The following LRRK2 variants were observed in gnomAD, a reference collection of about 807,000 sequenced individuals.
The protein encoded by LRRK2 is leucine rich repeat kinase 2.
LRRK2 carries 203 observed loss-of-function variants against 302.6 expected under a neutral mutation model. The ratio of observed to expected loss-of-function variants is 0.67; its 90% confidence interval spans 0.60 to 0.75. LRRK2 has a LOEUF of 0.75. Ranked by LOEUF, LRRK2 falls within the 30% of genes least tolerant of loss-of-function variation. LRRK2 has a pLI of 0.00. For missense variants in LRRK2, 2,830 were observed against 2,951.0 expected (o/e 0.96, Z 0.95); for synonymous variants, 1,066 against 1,031.9 (o/e 1.03, Z -0.63).
At chr12:40,322,836 T>A (rs1038821355) in intron 37 of LRRK2, among the ~76,000 whole-genome samples, 4 of 110,158 alleles carry the variant, frequency 3.6e-5, no homozygotes, top group Non-Finnish European at 8.1e-5. Context: ...TTTACCAACA[T>A]GTCTGCCATA....
Position 40,360,300 on chromosome 12 carries a change from A to G in LRRK2, c.7028+856A>G, listed in dbSNP as rs117224507. Among the ~76,000 whole-genome samples the G allele has an allele frequency of 5.7e-3, 869 of 152,216 alleles. 4 individuals are homozygous for G. Among genetic ancestry groups the G allele is most frequent in the Non-Finnish European group, 9.8e-3 (663 of 67,982 alleles). ...ATAAACATTAGCTATTATTATTATT[A>G]TTAGCTTTGAGTCACAAATCCCTAC... On this transcript the variant is annotated intron_variant, in intron 47 of 50. Coordinates refer to ENST00000298910, the MANE Select transcript of LRRK2 (RefSeq NM_198578.4).
At chr12:40,338,619 A>T (rs1945945033) in intron 40 of LRRK2, among the ~76,000 whole-genome samples, 1 of 152,238 alleles carries the variant, frequency 6.6e-6, no homozygotes, top group Admixed American at 6.5e-5. Context: ...TTAGAACTGC[A>T]CTTCTTAAGA....
Position 40,351,811 on chromosome 12 carries a change from T to A in LRRK2, c.6576+78T>A, listed in dbSNP as rs1000772583. ...GAAAGTTACTTAGGAATAAATTAAA[T>A]AAGAGCCAATGTAGGATTATTATTC... On this transcript the variant is annotated intron_variant, in intron 44 of 50. Coordinates refer to ENST00000298910, the MANE Select transcript of LRRK2 (RefSeq NM_198578.4). The A allele has an allele frequency of 3.0e-6, 4 of 1,338,450 alleles. No individual in the cohort carries two copies. The Admixed American group carries it at 7.8e-5, about 26-fold the overall frequency. The allele number at this position is 1,338,450 out of a possible 1,614,324, so 82.9% of individuals were successfully genotyped here.
intron 6 of LRRK2, 96 bp from the exon 7 acceptor site, chr12:40,243,454 G>T: frequency 7.4e-7 from 1 of 1,354,274 alleles, no homozygotes; most frequent in Non-Finnish European, 1.0e-6. Flanking sequence ...TCATTATGCT[G>T]CCATCTATTT....
At chr12:40,289,064 C>T (rs1343355162) in intron 20 of LRRK2, among the ~76,000 whole-genome samples, 1 of 151,760 alleles carries the variant, frequency 6.6e-6, no homozygotes, top group African/African-American at 2.4e-5. Flanking sequence ...AGGTCTAAAA[C>T]ATTTTAAGTT....
In LRRK2 at chr12:40,347,017, CAG is replaced by C. The variant is rs1293334392; in HGVS notation, c.6280+96_6280+97del. The stretch of plus-strand genomic sequence containing the variant: ...GTAGTTGTATGCTTAATTCCTTAAA[CAG>C]ATGATCATTTTTTTTGTTTAGTGCA... On this transcript the variant is annotated intron_variant, in intron 42 of 50. Transcript: ENST00000298910. 3.1e-6 allele frequency: 3 copies of C among 961,446 alleles called. No individual in the cohort carries two copies. In the Admixed American group the frequency reaches 1.1e-4, roughly 34 times the overall value. The allele number at this position is 961,446 out of a possible 1,614,324, so 59.6% of individuals were successfully genotyped here.
chr12:40,367,197 G>T (rs771755520), intron 50 of LRRK2, 120 bp downstream of exon 50: 5 of 849,242 alleles, frequency 5.9e-6, no homozygotes, highest in East Asian at 2.8e-5. Context: ...AATTTTAATT[G>T]GTAGTTTATA....
rs1942888332 is a variant in LRRK2 at position 40,263,900 on chromosome 12, G to A, written c.1655G>A (p.Arg552Lys). 2.5e-6 allele frequency: 4 copies of A among 1,593,364 alleles called. No homozygotes were observed. The highest frequency in any genetic ancestry group is 3.4e-6 in the Non-Finnish European group (4 of 1,161,840). Residue 552 changes from arginine (R) to lysine (K), a missense_variant and splice_region_variant, in exon 14 of 51, where the codon AGG becomes AAG. Physicochemically the swap from Arg to Lys is conservative, Grantham distance 26. This residue lies in a region of LRRK2 where 2,121 missense variants were observed against 2,148.0 expected (regional missense o/e 0.99). Transcript: ENST00000298910. ...AAACTGGTCCTAGCAGCTTTGAACAGGGTATGTTGAATATAAGTTTTCTGT... is the reference window on the plus strand; with the variant it reads ...AAACTGGTCCTAGCAGCTTTGAACAAGGTATGTTGAATATAAGTTTTCTGT... ...IHKLVLAALNRFIGNPGIQKC... is the reference protein window; with the variant it reads ...IHKLVLAALNKFIGNPGIQKC...
Position 40,321,019 on chromosome 12 carries a change from T to C in LRRK2, c.5016-15T>C. 1 of 1,612,244 alleles carries C rather than the reference T, an allele frequency of 6.2e-7. No homozygotes were observed. Among genetic ancestry groups the C allele is most frequent in the Non-Finnish European group, 8.5e-7 (1 of 1,178,570 alleles). On this transcript the variant is annotated splice_polypyrimidine_tract_variant and intron_variant, in intron 34 of 50. Transcript: ENST00000298910. ...TTTGTGAGGCTGTATAACCATAGTG[T>C]CCTTTTGCCTTTAGTTTGTCTGACC...
intron 47 of LRRK2, among the ~76,000 whole-genome samples, 188 bp from the exon 48 acceptor site, chr12:40,363,214 G>T (rs548131609): frequency 2.6e-5 from 4 of 152,086 alleles, no homozygotes; most frequent in South Asian, 2.1e-4. Flanking sequence ...AGTAAGTAAA[G>T]TACCAAAGCA....
intron 41 of LRRK2, among the ~76,000 whole-genome samples, chr12:40,345,622 C>CAAAAAAAAAAAAAAA (rs144415226): frequency 4.4e-5 from 3 of 67,524 alleles, no homozygotes; most frequent in African/African-American, 1.3e-4. Flanking sequence ...GACTCCATCT[C>CAAAAAAAAAAAAAAA]AAAAAAAAAA....
rs1286768338 is a variant in LRRK2 at position 40,322,195 on chromosome 12, T to C, written c.5317+14T>C. ...CTTGTAGAAAAGGTAAGGAAATCAA[T>C]TTGAATGTTTTCAATTGCAACACTA... On this transcript the variant is annotated intron_variant, in intron 36 of 50. Coordinates refer to ENST00000298910, the MANE Select transcript of LRRK2 (RefSeq NM_198578.4). 13 of 1,606,764 alleles carry C rather than the reference T, an allele frequency of 8.1e-6. No homozygotes were observed. The highest frequency in any genetic ancestry group is 1.7e-6 in the Non-Finnish European group (2 of 1,175,696).
At chr12:40,353,738 T>G (rs1946441478) in intron 44 of LRRK2, among the ~76,000 whole-genome samples, 1 of 152,176 alleles carries the variant, frequency 6.6e-6, no homozygotes, top group Non-Finnish European at 1.5e-5. Flanking sequence ...TCCCGGCACC[T>G]CGGGAGGCCG....
chr12:40,354,370 G>A lies in LRRK2; in HGVS notation c.6648G>A (p.Val2216=). The change falls in exon 45 of 51, where the codon GTG becomes GTA. Residue 2216 remains valine (V), a synonymous_variant. Coordinates refer to ENST00000298910, the MANE Select transcript of LRRK2 (RefSeq NM_198578.4). ...HLPVEKESWI[V]SGTQSGTLLV... The stretch of plus-strand genomic sequence containing the variant: ...CTGTTGAAAAGGAAAGCTGGATTGT[G>A]TCTGGGACACAGTCTGGTACTCTCC... The A allele has an allele frequency of 4.3e-6, 7 of 1,614,146 alleles. No individual in the cohort carries two copies. The highest frequency in any genetic ancestry group is 1.3e-5 in the African/African-American group (1 of 75,048).
At chr12:40,312,863 C>A (rs1341862039) in intron 31 of LRRK2, 1 of 151,894 alleles carries the variant, frequency 6.6e-6, no homozygotes, top group African/African-American at 2.4e-5. Context: ...AGTTCAATTT[C>A]ATCTTAATTT....
In LRRK2 at chr12:40,326,376, A is replaced by G. The variant is rs538810743; in HGVS notation, c.5657-1984A>G. On this transcript the variant is annotated intron_variant, in intron 38 of 50. Coordinates refer to ENST00000298910, the MANE Select transcript of LRRK2 (RefSeq NM_198578.4). ...AGCTACTCGGGAGGCTGAGTCAGGA[A>G]AATGGCATGAACCTGGGAGGCGGAG... Among the ~76,000 whole-genome samples the G allele has an allele frequency of 1.3e-4, 19 of 151,824 alleles. No homozygotes were observed. The East Asian group carries it at 1.4e-3, about 11-fold the overall frequency.
intron 7 of LRRK2, among the ~76,000 whole-genome samples, chr12:40,246,115 T>C (rs916334951): frequency 1.3e-5 from 2 of 152,036 alleles, no homozygotes; most frequent in Non-Finnish European, 2.9e-5. Flanking sequence ...AAAAAAATTT[T>C]GTTAAGAAAT....
At chr12:40,354,832 GAAAAAAAA>G (rs67041151) in intron 45 of LRRK2, among the ~76,000 whole-genome samples, 2 of 51,784 alleles carry the variant, frequency 3.9e-5, no homozygotes, top group South Asian at 6.0e-4. Context: ...TTCATTCTTT[GAAAAAAAA>G]AAAATATATA....
At chr12:40,298,777 A>AC (rs2136742812) in intron 24 of LRRK2, among the ~76,000 whole-genome samples, 1 of 98,376 alleles carries the variant, frequency 1.0e-5, no homozygotes. Flanking sequence ...TGTCTCAAAG[A>AC]AATATATATA....
Sources: gnomAD v4.1 joint callset for allele counts (sites outside exome capture counted in the v4.1 genomes callset) on GRCh38, gnomAD v4.1.1 for gene constraint, gnomAD v4.1.1 regional missense constraint, MANE v1.5 for transcripts, NCBI Gene and HGNC (gene_info 2026-07-23, HGNC 2026-07-21) for gene names.